Variants in TENM3 observed in about 807,000 individuals in gnomAD.
TENM3 encodes teneurin-3.
In TENM3, 63 loss-of-function variants were observed where a neutral mutation model predicts 255.1. The ratio of observed to expected loss-of-function variants is 0.25; its 90% CI spans 0.20 to 0.30. TENM3 has a LOEUF of 0.30. TENM3 is among the 10% of genes least tolerant of loss of function. The pLI, the probability that TENM3 is intolerant of heterozygous loss-of-function variation, is 1.00. For synonymous variants in TENM3, 1,306 were observed against 1,322.3 expected, an observed-to-expected ratio of 0.99 and a Z score of 0.27; for missense variants, 2,929 against 3,461.1, an observed-to-expected ratio of 0.85 and a Z score of 3.86.
At chr4:182,294,267 GT>G (rs1274456429) in intron 1 of TENM3, among the ~76,000 whole-genome samples, 2 of 152,146 alleles carry the variant, frequency 1.3e-5, no homozygotes, top group Admixed American at 6.6e-5. Context: ...AGAATTCTGA[GT>G]GACACATTTT....
chr4:181,458,190 G>A, the TENM3 span, among the ~76,000 whole-genome samples: 1 of 151,790 alleles, frequency 6.6e-6, no homozygotes, highest in Non-Finnish European at 1.5e-5. Context: ...ATTCTTTTCA[G>A]TAATCACAAA....
the TENM3 span, among the ~76,000 whole-genome samples, chr4:181,660,412 G>A: frequency 6.6e-6 from 1 of 151,984 alleles, no homozygotes; most frequent in Non-Finnish European, 1.5e-5. Context: ...CACTTGACCT[G>A]GAATAAATGT....
the TENM3 span, among the ~76,000 whole-genome samples, chr4:181,533,687 A>C: frequency 6.6e-6 from 1 of 152,032 alleles, no homozygotes; most frequent in Non-Finnish European, 1.5e-5. Flanking sequence ...ACATTTTTAA[A>C]CTATTTTCAG....
chr4:182,143,876 A>G (rs1439139408), upstream of TENM3: 1 of 152,608 alleles, frequency 6.6e-6, no homozygotes, highest in Non-Finnish European at 1.5e-5. This position sits in a 1 kb window ranked among gnomAD's most constrained non-coding sequence, Gnocchi z 4.3. Context: ...AAAGGCACTG[A>G]TTGGTCACAG....
intron 1 of TENM3, among the ~76,000 whole-genome samples, chr4:182,311,822 T>A (rs913864235): frequency 3.3e-5 from 5 of 152,212 alleles, no homozygotes; most frequent in Non-Finnish European, 7.3e-5. Flanking sequence ...GCTCCCCCAG[T>A]GGCACACAGA....
intron 1 of TENM3, among the ~76,000 whole-genome samples, chr4:182,245,937 T>C (rs1757612486): frequency 6.6e-6 from 1 of 152,202 alleles, no homozygotes; most frequent in Admixed American, 6.5e-5. Context: ...TTGATACCGA[T>C]GTAACATTTT....
the TENM3 span, among the ~76,000 whole-genome samples, chr4:181,559,179 A>C: frequency 1.3e-5 from 2 of 152,204 alleles, no homozygotes; most frequent in African/African-American, 4.8e-5. Flanking sequence ...TTATCCACTA[A>C]TGACGAAGGG....
chr4:181,938,934 C>T, the TENM3 span, among the ~76,000 whole-genome samples: 11 of 152,214 alleles, frequency 7.2e-5, no homozygotes, highest in East Asian at 1.9e-4. Flanking sequence ...ATAAATGGTA[C>T]ATTGTCCTAG....
chr4:181,482,733 C>T, the TENM3 span, among the ~76,000 whole-genome samples: 1 of 152,120 alleles, frequency 6.6e-6, no homozygotes, highest in Non-Finnish European at 1.5e-5. Context: ...AGAAGGTCCA[C>T]TGCATATGTT....
At chr4:181,456,127 A>ATATG in the TENM3 span, among the ~76,000 whole-genome samples, 13 of 141,648 alleles carry the variant, frequency 9.2e-5, no homozygotes, top group Admixed American at 9.2e-4. Flanking sequence ...ATATATATAT[A>ATATG]TGTGTGTGTG....
At chr4:182,560,348 A>G (rs1743029009) in intron 3 of TENM3, among the ~76,000 whole-genome samples, 1 of 152,170 alleles carries the variant, frequency 6.6e-6, no homozygotes, top group Non-Finnish European at 1.5e-5. Context: ...CCTCTTTAAC[A>G]TTAACTCGAG....
chr4:182,262,788 A>G (rs1579940694), intron 1 of TENM3, among the ~76,000 whole-genome samples: 1 of 137,304 alleles, frequency 7.3e-6, no homozygotes, highest in East Asian at 2.1e-4. Flanking sequence ...ATCTCAGCTC[A>G]CTCCAAGCTC....
rs373078117 is a variant in TENM3 at position 182,270,887 on chromosome 4, C to A, written c.-76+27411C>A. ...TATCTCTGACGCTACTATGAAATCCCCCTGAAAATCGCATTATCCCTACAT... is the reference window on the plus strand; with the variant it reads ...TATCTCTGACGCTACTATGAAATCCACCTGAAAATCGCATTATCCCTACAT... On this transcript the variant is annotated intron_variant, in intron 1 of 27. Transcript: ENST00000511685. 4.0e-4 allele frequency among the ~76,000 whole-genome samples: 61 copies of A among 152,148 alleles called. No individual in the cohort carries two copies. The South Asian group carries it at 0.013, about 32-fold the overall frequency.
At chr4:181,548,049 A>G in the TENM3 span, among the ~76,000 whole-genome samples, 3 of 151,856 alleles carry the variant, frequency 2.0e-5, no homozygotes, top group African/African-American at 7.3e-5. Flanking sequence ...TATAAGTGAG[A>G]ATATGCGGTG....
chr4:182,608,621 G>T (rs1461345995), intron 4 of TENM3, among the ~76,000 whole-genome samples: 7 of 152,128 alleles, frequency 4.6e-5, no homozygotes, highest in East Asian at 3.9e-4. Context: ...TGCTGCAGCC[G>T]CCCGGTCTGC....
chr4:181,965,947 T>C, the TENM3 span, among the ~76,000 whole-genome samples: 2 of 152,206 alleles, frequency 1.3e-5, no homozygotes. Flanking sequence ...TCCCTGTCCT[T>C]TCACCTTGAA....
the TENM3 span, among the ~76,000 whole-genome samples, chr4:181,557,611 C>T: frequency 2.0e-5 from 3 of 152,256 alleles, no homozygotes; most frequent in Non-Finnish European, 4.4e-5. Flanking sequence ...ACTGCAGCTT[C>T]GACTTCCCAG....
chr4:181,658,669 T>G, the TENM3 span, among the ~76,000 whole-genome samples: 2 of 152,254 alleles, frequency 1.3e-5, no homozygotes, highest in Admixed American at 1.3e-4. Flanking sequence ...CATTTTGGAA[T>G]GCTTACCATG....
At chr4:181,784,587 A>T in the TENM3 span, among the ~76,000 whole-genome samples, 3 of 152,022 alleles carry the variant, frequency 2.0e-5, no homozygotes, top group Non-Finnish European at 4.4e-5. Context: ...CTTTCAAATT[A>T]TTCTCCCCTG....
Sources: gnomAD v4.1 joint callset for allele counts (sites outside exome capture counted in the v4.1 genomes callset) on GRCh38, gnomAD v4.1.1 for gene constraint, Gnocchi (gnomAD v3.1) non-coding constraint, MANE v1.5 for transcripts, NCBI Gene and HGNC (gene_info 2026-07-23, HGNC 2026-07-21) for gene names.